The following CCDC91 variants were observed in gnomAD, a reference collection of about 807,000 sequenced individuals.
The protein encoded by CCDC91 is coiled-coil domain containing 91.
CCDC91 carries 48 observed loss-of-function variants against 63.2 expected under a neutral mutation model. That is an observed-to-expected ratio of 0.76 (90% CI 0.60 to 0.97). CCDC91 has a LOEUF of 0.97. Among genes scored for constraint, CCDC91 ranks in the 50% least tolerant of loss-of-function variants. The probability of loss-of-function intolerance (pLI) is 0.00; values close to 1 mark genes in which losing one functional copy is unlikely to be tolerated. For missense variants in CCDC91, 500 were observed against 494.6 expected, an observed-to-expected ratio of 1.01 and a Z score of -0.10; for synonymous variants, 167 against 165.8, an observed-to-expected ratio of 1.01 and a Z score of -0.06.
intron 12 of CCDC91, among the ~76,000 whole-genome samples, chr12:28,486,939 A>G (rs1170062423): frequency 6.6e-6 from 1 of 152,010 alleles, no homozygotes; most frequent in Non-Finnish European, 1.5e-5. Flanking sequence ...CATGTAATAA[A>G]ATAGCAGCTA....
At chr12:28,486,617 A>G (rs1181679751) in intron 12 of CCDC91, among the ~76,000 whole-genome samples, 2 of 152,090 alleles carry the variant, frequency 1.3e-5, no homozygotes, top group Non-Finnish European at 2.9e-5. Flanking sequence ...AGAAGTGCCT[A>G]TAATAAGAAT....
At chr12:28,435,872 T>C (rs1439014717) in intron 8 of CCDC91, among the ~76,000 whole-genome samples, 1 of 151,842 alleles carries the variant, frequency 6.6e-6, no homozygotes, top group African/African-American at 2.4e-5. Flanking sequence ...TTTTTATCCC[T>C]GATAATTTAT....
intron 3 of CCDC91, among the ~76,000 whole-genome samples, chr12:28,283,042 T>G (rs1948699711): frequency 6.6e-6 from 1 of 152,102 alleles, no homozygotes; most frequent in Non-Finnish European, 1.5e-5. Context: ...TATTTCTAGG[T>G]TCTCCATTCT....
chr12:28,529,731 A>G (rs1353933969), intron 12 of CCDC91, among the ~76,000 whole-genome samples: 1 of 152,204 alleles, frequency 6.6e-6, no homozygotes, highest in East Asian at 1.9e-4. Flanking sequence ...GAATCTAGTT[A>G]TTAGTGGTTT....
intron 3 of CCDC91, among the ~76,000 whole-genome samples, chr12:28,284,230 T>G (rs1463350593): frequency 1.3e-5 from 2 of 152,226 alleles, no homozygotes; most frequent in African/African-American, 4.8e-5. Context: ...GTTTTCTTGC[T>G]AAAATTTTAG....
intron 6 of CCDC91, among the ~76,000 whole-genome samples, chr12:28,310,130 C>T (rs549283255): frequency 6.6e-6 from 1 of 152,128 alleles, no homozygotes; most frequent in African/African-American, 2.4e-5. Flanking sequence ...CACTTACTGA[C>T]CTCATCCTTG....
chr12:28,212,070 C>T (rs1238933562), intron 1 of CCDC91, among the ~76,000 whole-genome samples: 1 of 152,122 alleles, frequency 6.6e-6, no homozygotes, highest in African/African-American at 2.4e-5. Context: ...GTTCTGAAAT[C>T]CAAGAGAGAA....
chr12:28,198,105 T>C (rs1941924862), intron 1 of CCDC91, among the ~76,000 whole-genome samples: 1 of 152,178 alleles, frequency 6.6e-6, no homozygotes, highest in South Asian at 2.1e-4. Flanking sequence ...AAATAATTAG[T>C]TTGTGAAGTA....
At chr12:28,489,850 T>C (rs1951906095) in intron 12 of CCDC91, among the ~76,000 whole-genome samples, 1 of 151,930 alleles carries the variant, frequency 6.6e-6, no homozygotes, top group Admixed American at 6.6e-5. Context: ...ACTTTCCTTA[T>C]GTTCTGACCA....
At chr12:28,236,589 T>C (rs1311848348) in intron 1 of CCDC91, 1 of 152,050 alleles carries the variant, frequency 6.6e-6, no homozygotes, top group Non-Finnish European at 1.5e-5. Context: ...TCAGATTATA[T>C]AGAGTGATGC....
chr12:28,431,831 A>G (rs1449069463), intron 8 of CCDC91, among the ~76,000 whole-genome samples: 2 of 152,048 alleles, frequency 1.3e-5, no homozygotes, highest in Non-Finnish European at 2.9e-5. Context: ...TATATCCAAT[A>G]ATGTAATATG....
chr12:28,546,644 A>G (rs1188955206), intron 12 of CCDC91, among the ~76,000 whole-genome samples: 1 of 152,132 alleles, frequency 6.6e-6, no homozygotes, highest in Admixed American at 6.6e-5. Flanking sequence ...GCCAAATATT[A>G]TGAACAATCT....
At chr12:28,459,418 C>G (rs1383880158) in intron 11 of CCDC91, among the ~76,000 whole-genome samples, 1 of 152,128 alleles carries the variant, frequency 6.6e-6, no homozygotes, top group Non-Finnish European at 1.5e-5. Flanking sequence ...TTTAAGGAGA[C>G]ATACTAATCT....
At chr12:28,218,788 C>A (rs10843137) in intron 1 of CCDC91, among the ~76,000 whole-genome samples, 39,571 of 151,468 alleles carry the variant, frequency 0.26, 5,425 homozygotes, top group Non-Finnish European at 0.31. Context: ...AATGAAGATT[C>A]TTTCATATTG....
At chr12:28,429,869 C>A (rs190234149) in intron 8 of CCDC91, among the ~76,000 whole-genome samples, 1 of 152,002 alleles carries the variant, frequency 6.6e-6, no homozygotes, top group Admixed American at 6.6e-5. Flanking sequence ...AAAAAACTCT[C>A]TGATGCTCTC....
intron 7 of CCDC91, among the ~76,000 whole-genome samples, chr12:28,367,439 G>A (rs1461413885): frequency 2.6e-5 from 4 of 152,216 alleles, no homozygotes; most frequent in South Asian, 4.1e-4. Context: ...TACCCAATTC[G>A]AACAGTATAG....
At chr12:28,524,845 A>G (rs1941114022) in intron 12 of CCDC91, among the ~76,000 whole-genome samples, 1 of 152,070 alleles carries the variant, frequency 6.6e-6, no homozygotes, top group South Asian at 2.1e-4. Flanking sequence ...CTTTCCAGGA[A>G]TTTATCCATC....
intron 6 of CCDC91, among the ~76,000 whole-genome samples, chr12:28,332,442 T>C (rs1464275692): frequency 6.6e-6 from 1 of 152,180 alleles, no homozygotes; most frequent in African/African-American, 2.4e-5. Flanking sequence ...CCTAAAAATA[T>C]GATAGCTTTT....
At chr12:28,465,165 G>A (rs1289098449) in intron 11 of CCDC91, among the ~76,000 whole-genome samples, 5 of 152,184 alleles carry the variant, frequency 3.3e-5, no homozygotes, top group Middle Eastern at 3.2e-3. Flanking sequence ...ATTGTACCTT[G>A]GGGTTTGAGT....
Sources: allele counts gnomAD v4.1 joint callset (sites outside exome capture counted in the v4.1 genomes callset), GRCh38; gene constraint gnomAD v4.1.1; transcripts MANE v1.5; gene names NCBI Gene and HGNC (gene_info 2026-07-23, HGNC 2026-07-21).